Variants in EDA observed in about 807,000 individuals in gnomAD.
The protein encoded by EDA is ectodysplasin A.
Under a neutral mutation model 23.6 loss-of-function variants are expected in EDA, and 2 were observed. The observed-to-expected ratio is 0.08, with a 90% CI of 0.03 to 0.27. The LOEUF (loss-of-function observed/expected upper bound fraction) is 0.27. EDA is among the 10% of genes least tolerant of loss of function. The probability of loss-of-function intolerance (pLI) is 1.00; values close to 1 mark genes in which losing one functional copy is unlikely to be tolerated. For synonymous variants in EDA, 131 were observed against 132.0 expected (o/e 0.99, Z 0.05); for missense variants, 229 against 324.2 (o/e 0.71, Z 2.26).
At chrX:69,671,318 G>T (rs1569290252) in intron 1 of EDA, among the ~76,000 whole-genome samples, 1 of 111,400 alleles carries the variant, frequency 9.0e-6, no homozygotes, top group Non-Finnish European at 1.9e-5. Flanking sequence ...CCACAGTGGG[G>T]TGTCTGAGCT....
chrX:69,844,098 G>A (rs1021364172), intron 1 of EDA, among the ~76,000 whole-genome samples: 1 of 110,317 alleles, frequency 9.1e-6, no homozygotes, highest in African/African-American at 3.3e-5. Context: ...AGAAAAAAGG[G>A]GGTGGGAGAA....
chrX:69,785,132 A>G (rs2015111151), intron 1 of EDA, among the ~76,000 whole-genome samples: 1 of 102,283 alleles, frequency 9.8e-6, no homozygotes, highest in South Asian at 4.8e-4. Context: ...TGATTTTTGT[A>G]CATTGATTTT....
chrX:69,921,067 T>C (rs751435490), intron 1 of EDA, among the ~76,000 whole-genome samples: 2 of 111,392 alleles, frequency 1.8e-5, no homozygotes, highest in Non-Finnish European at 3.8e-5. Context: ...TCATTCTGGC[T>C]TTGGCCTTTG....
chrX:69,822,750 GGTTA>G (rs2016265246), intron 1 of EDA, among the ~76,000 whole-genome samples: 1 of 109,435 alleles, frequency 9.1e-6, no homozygotes, highest in Non-Finnish European at 1.9e-5. Flanking sequence ...ACAATGTGCA[GGTTA>G]GTTACATGTG....
intron 1 of EDA, among the ~76,000 whole-genome samples, chrX:69,637,338 A>T (rs1478355723): frequency 2.7e-5 from 3 of 111,442 alleles, no homozygotes; most frequent in Non-Finnish European, 5.7e-5. Context: ...AGTCAAAAAA[A>T]AGAAGGAATT....
intron 6 of EDA, among the ~76,000 whole-genome samples, chrX:70,031,601 T>A (rs2020201212): frequency 8.9e-6 from 1 of 112,007 alleles, no homozygotes; most frequent in South Asian, 3.8e-4. Context: ...GGACAGTTTC[T>A]AAGAACTCAG....
chrX:69,634,359 C>T (rs762200064), intron 1 of EDA, among the ~76,000 whole-genome samples: 3 of 111,391 alleles, frequency 2.7e-5, no homozygotes, highest in Admixed American at 9.5e-5. Flanking sequence ...GTTGCCCAGG[C>T]GGGAGTGCGG....
chrX:69,940,866 G>A (rs994989840), intron 1 of EDA, among the ~76,000 whole-genome samples: 2 of 111,445 alleles, frequency 1.8e-5, no homozygotes, highest in Non-Finnish European at 3.8e-5. Context: ...TCATTAGGTT[G>A]TTCATTTGAA....
Position 69,921,554 on chromosome X carries a change from A to G in EDA, c.397-35473A>G, listed in dbSNP as rs772737409. Among the ~76,000 whole-genome samples the G allele has an allele frequency of 5.4e-5, 6 of 110,225 alleles. No homozygotes were observed. In the East Asian group the frequency reaches 1.4e-3, roughly 26 times the overall value. On this transcript the variant is annotated intron_variant, in intron 1 of 7. Transcript: ENST00000374552. Reference sequence around the variant, plus strand: ...TCCATTTACTTGATCATCCGATTCCAATTTGTGGCTATAGTGGTTTCAGGC... The same window carrying G: ...TCCATTTACTTGATCATCCGATTCCGATTTGTGGCTATAGTGGTTTCAGGC...
intron 1 of EDA, among the ~76,000 whole-genome samples, chrX:69,876,007 G>A (rs2017638516): frequency 8.9e-6 from 1 of 111,965 alleles, no homozygotes; most frequent in Non-Finnish European, 1.9e-5. Context: ...CATGGACATG[G>A]TGAAAAGGGA....
intron 1 of EDA, among the ~76,000 whole-genome samples, chrX:69,694,142 T>C (rs2011257147): frequency 8.9e-6 from 1 of 112,272 alleles, no homozygotes; most frequent in South Asian, 3.7e-4. Context: ...CTTTTAATAA[T>C]GGAGGCTTTA....
At chrX:69,872,857 A>G (rs1010121285) in intron 1 of EDA, among the ~76,000 whole-genome samples, 2 of 111,876 alleles carry the variant, frequency 1.8e-5, no homozygotes, top group Middle Eastern at 4.6e-3. Flanking sequence ...CAGAAAGTCA[A>G]CAAAGAAACA....
chrX:69,919,764 A>C (rs925303668), intron 1 of EDA, among the ~76,000 whole-genome samples: 4 of 112,261 alleles, frequency 3.6e-5, no homozygotes, highest in Non-Finnish European at 5.6e-5. Flanking sequence ...ATAAACTTTC[A>C]AATTATATTT....
chrX:69,715,406 A>G (rs1008793834), intron 1 of EDA, among the ~76,000 whole-genome samples: 3 of 111,353 alleles, frequency 2.7e-5, no homozygotes, highest in Non-Finnish European at 5.7e-5. Flanking sequence ...CCATGTTCCT[A>G]CAAAGGACAT....
At chrX:69,822,337 G>C (rs1383317576) in intron 1 of EDA, among the ~76,000 whole-genome samples, 1 of 111,119 alleles carries the variant, frequency 9.0e-6, no homozygotes, top group Admixed American at 9.6e-5. Flanking sequence ...ACCTTCAAAA[G>C]TTTGTAGGTA....
chrX:69,834,649 G>A (rs1230285153), intron 1 of EDA, among the ~76,000 whole-genome samples: 2 of 109,761 alleles, frequency 1.8e-5, no homozygotes, highest in African/African-American at 6.6e-5. Flanking sequence ...CCCACGGATG[G>A]GTCTTGACTC....
chrX:69,942,791 C>A (rs1030823344), intron 1 of EDA, among the ~76,000 whole-genome samples: 1 of 111,208 alleles, frequency 9.0e-6, no homozygotes, highest in Non-Finnish European at 1.9e-5. Flanking sequence ...CTGCCCTGAT[C>A]TCTCTCTATC....
chrX:69,996,145 C>A (rs1250005925), intron 2 of EDA, among the ~76,000 whole-genome samples: 1 of 112,305 alleles, frequency 8.9e-6, no homozygotes, highest in Non-Finnish European at 1.9e-5. Flanking sequence ...TGAAGTCAAT[C>A]CAAACTTGCT....
At chrX:69,951,767 G>A (rs886770741) in intron 1 of EDA, among the ~76,000 whole-genome samples, 9 of 112,004 alleles carry the variant, frequency 8.0e-5, no homozygotes, top group Admixed American at 5.7e-4. Flanking sequence ...CACTATGAAC[G>A]AACTGTTTCC....
Sources: allele counts gnomAD v4.1 joint callset (sites outside exome capture counted in the v4.1 genomes callset), GRCh38; gene constraint gnomAD v4.1.1; transcripts MANE v1.5; gene names NCBI Gene and HGNC (gene_info 2026-07-23, HGNC 2026-07-21).